Variants in ATP8B4 observed in about 807,000 individuals in gnomAD.
The protein encoded by ATP8B4 is probable phospholipid-transporting ATPase IM.
ATP8B4 carries 133 observed loss-of-function variants against 145.6 expected under a neutral mutation model. The ratio of observed to expected loss-of-function variants is 0.91; its 90% CI spans 0.79 to 1.05. The LOEUF is 1.05. Ranked by LOEUF, ATP8B4 falls within the 50% of genes least tolerant of loss-of-function variation. The probability of loss-of-function intolerance (pLI) is 0.00; values close to 1 mark genes in which losing one functional copy is unlikely to be tolerated. For missense variants in ATP8B4, 1,458 were observed against 1,425.2 expected, an observed-to-expected ratio of 1.02 and a Z score of -0.37; for synonymous variants, 507 against 492.9, an observed-to-expected ratio of 1.03 and a Z score of -0.38.
intron 6 of ATP8B4, among the ~76,000 whole-genome samples, chr15:50,023,779 C>CAAAA (rs60030651): frequency 2.7e-5 from 2 of 75,042 alleles, no homozygotes; most frequent in African/African-American, 1.1e-4. Context: ...AGACCAAAGG[C>CAAAA]AAAAAAAAAA....
At chr15:50,139,185 C>T (rs1427490702) in intron 1 of ATP8B4, among the ~76,000 whole-genome samples, 1 of 152,192 alleles carries the variant, frequency 6.6e-6, no homozygotes, top group Non-Finnish European at 1.5e-5. Context: ...TTGGAACCAA[C>T]CCAAATGCCC....
chr15:50,141,756 T>C (rs1443780245), intron 1 of ATP8B4, among the ~76,000 whole-genome samples: 1 of 152,106 alleles, frequency 6.6e-6, no homozygotes, highest in East Asian at 1.9e-4. Context: ...CCCAATAAAG[T>C]TGTTTTAAAG....
chr15:49,873,877 A>C lies in ATP8B4; in HGVS notation c.3027+2401T>G, dbSNP rs765192667. Among the ~76,000 whole-genome samples, 60 of 152,332 alleles carry C rather than the reference A, an allele frequency of 3.9e-4. 1 individual carries two copies. Among genetic ancestry groups the C allele is most frequent in the Non-Finnish European group, 7.5e-4 (51 of 68,024 alleles). On this transcript the variant is annotated intron_variant, in intron 25 of 27. Coordinates refer to ENST00000284509, the MANE Select transcript of ATP8B4 (RefSeq NM_024837.4). ...ACAGCTGGGTCATTCTGCTGGACTC[A>C]GCACAGGAGGACCCTCTCTCAGACT...
intron 14 of ATP8B4, among the ~76,000 whole-genome samples, chr15:49,957,895 T>C (rs1388330761): frequency 6.6e-6 from 1 of 151,754 alleles, no homozygotes; most frequent in Non-Finnish European, 1.5e-5. Context: ...TAAAAAAATA[T>C]AATTAACAAG....
chr15:50,141,974 T>C (rs1223660589), intron 1 of ATP8B4, among the ~76,000 whole-genome samples: 1 of 152,130 alleles, frequency 6.6e-6, no homozygotes, highest in African/African-American at 2.4e-5. Flanking sequence ...AGGCTTCACA[T>C]ATGGCATGTC....
chr15:50,105,260 A>G (rs1262570187), intron 2 of ATP8B4, among the ~76,000 whole-genome samples: 3 of 151,396 alleles, frequency 2.0e-5, no homozygotes, highest in Non-Finnish European at 3.0e-5. Flanking sequence ...AATTTGAAAA[A>G]AAAAAAAAAA....
intron 1 of ATP8B4, among the ~76,000 whole-genome samples, chr15:50,166,672 A>T (rs1386034665): frequency 6.6e-6 from 1 of 152,184 alleles, no homozygotes; most frequent in Non-Finnish European, 1.5e-5. Context: ...CTACACAATC[A>T]TGTATGTGGG....
intron 3 of ATP8B4, among the ~76,000 whole-genome samples, chr15:50,073,016 A>G (rs1225090117): frequency 2.5e-5 from 1 of 39,738 alleles, no homozygotes. Context: ...ATATATATAT[A>G]TATACACACA....
intron 9 of ATP8B4, among the ~76,000 whole-genome samples, chr15:49,995,961 T>C (rs184416304): frequency 2.0e-5 from 3 of 152,210 alleles, no homozygotes; most frequent in Admixed American, 1.3e-4. Flanking sequence ...GGTATCTTAA[T>C]CATACATGCA....
At chr15:50,109,449 G>C (rs554686051) in intron 1 of ATP8B4, among the ~76,000 whole-genome samples, 1 of 152,222 alleles carries the variant, frequency 6.6e-6, no homozygotes, top group South Asian at 2.1e-4. Flanking sequence ...TTGGGCAGGT[G>C]AATGAATTCT....
At chr15:50,080,839 C>G (rs117837066) in intron 2 of ATP8B4, among the ~76,000 whole-genome samples, 1 of 152,040 alleles carries the variant, frequency 6.6e-6, no homozygotes, top group Non-Finnish European at 1.5e-5. Flanking sequence ...ATGGGCCGGG[C>G]GCAGTGGCTC....
intron 14 of ATP8B4, among the ~76,000 whole-genome samples, chr15:49,939,295 C>T (rs1005619956): frequency 6.6e-6 from 1 of 151,594 alleles, no homozygotes; most frequent in Non-Finnish European, 1.5e-5. Flanking sequence ...AAAGTCTATA[C>T]AATCAATAAA....
At chr15:50,088,903 G>T (rs1306558847) in intron 2 of ATP8B4, among the ~76,000 whole-genome samples, 2 of 152,196 alleles carry the variant, frequency 1.3e-5, no homozygotes, top group Non-Finnish European at 2.9e-5. Context: ...GTTTCTCAAA[G>T]ATCAGATGGT....
chr15:50,144,583 C>T lies in ATP8B4; in HGVS notation c.-42-37575G>A, dbSNP rs374927206. ...CACTATCTTGAGAACAGCATGGGGGCATTACCTCCCACCAAGTCCCTCCCT... is the reference window on the plus strand; with the variant it reads ...CACTATCTTGAGAACAGCATGGGGGTATTACCTCCCACCAAGTCCCTCCCT... On this transcript the variant is annotated intron_variant, in intron 1 of 3. Transcript: ENST00000558829. Among the ~76,000 whole-genome samples the T allele has an allele frequency of 2.7e-3, 415 of 152,240 alleles. 1 individual carries two copies. Among genetic ancestry groups the T allele is most frequent in the African/African-American group, 9.4e-3 (392 of 41,536 alleles).
At chr15:49,972,517 A>G in intron 13 of ATP8B4, 65 bp downstream of exon 13, 1 of 1,492,400 alleles carries the variant, frequency 6.7e-7, no homozygotes, top group Non-Finnish European at 9.1e-7. Context: ...ATTTTTTTTT[A>G]ATGGGGTCAG....
chr15:50,113,792 T>C lies in ATP8B4; in HGVS notation c.-43+5331A>G, dbSNP rs1020349798. 1.3e-4 allele frequency among the ~76,000 whole-genome samples: 16 copies of C among 127,134 alleles called. No homozygotes were observed. In the Admixed American group the frequency reaches 1.4e-3, roughly 11 times the overall value. The allele number at this position is 127,134 out of a possible 152,430, so 83.4% of individuals were successfully genotyped here. On this transcript the variant is annotated intron_variant, in intron 1 of 27. Transcript: ENST00000284509. ...AGGCAGAGGTTGCGGTGAGCTGAGA[T>C]CATGCCATTGCACTCCAGCCCGGGC...
At chr15:49,896,751 A>C (rs1006466129) in intron 23 of ATP8B4, 3 of 152,344 alleles carry the variant, frequency 2.0e-5, no homozygotes, top group Admixed American at 6.5e-5. Flanking sequence ...AATGTATAAG[A>C]AGCGATATAA....
chr15:49,874,998 C>G (rs2034182131), intron 25 of ATP8B4, among the ~76,000 whole-genome samples: 1 of 152,116 alleles, frequency 6.6e-6, no homozygotes, highest in Non-Finnish European at 1.5e-5. Flanking sequence ...GAAAAAGATG[C>G]ATGGGCATAA....
Position 49,876,361 on chromosome 15 carries a change from C to A in ATP8B4, c.2944G>T (p.Gly982Ter). ...IPYGAFYNVA[G>*]EDGQHIADYQ... ...TCAGCAATATGTTGCCCATCTTCTC[C>A]AGCCACGTTGTAAAAGGCCCCATAG... Residue 982 changes from glycine to a stop codon, truncating the protein, a stop_gained, in exon 25 of 28, where the codon GGA becomes TGA. Coordinates refer to ENST00000284509, the MANE Select transcript of ATP8B4 (RefSeq NM_024837.4). LOFTEE classifies it high-confidence loss of function. 1 of 1,614,088 alleles carries A rather than the reference C, an allele frequency of 6.2e-7. No homozygotes were observed. The highest frequency in any genetic ancestry group is 8.5e-7 in the Non-Finnish European group (1 of 1,179,984).
Sources: gnomAD v4.1 joint callset for allele counts (sites outside exome capture counted in the v4.1 genomes callset) on GRCh38, gnomAD v4.1.1 for gene constraint, MANE v1.5 for transcripts, NCBI Gene and HGNC (gene_info 2026-07-23, HGNC 2026-07-21) for gene names.